SHISA9: variants seen among roughly 807,000 people sequenced by gnomAD.
SHISA9 encodes the protein shisa family member 9, also known as protein shisa-9.
Under a neutral mutation model 38.0 loss-of-function variants are expected in SHISA9, and 13 were observed. The observed-to-expected ratio is 0.34, with a 90% CI of 0.22 to 0.54. The LOEUF is 0.54. Among genes scored for constraint, SHISA9 ranks in the 20% least tolerant of loss-of-function variants. The probability of loss-of-function intolerance (pLI) is 0.91; values close to 1 mark genes in which losing one functional copy is unlikely to be tolerated. For missense variants in SHISA9, 538 were observed against 575.8 expected (o/e 0.93, Z 0.67); for synonymous variants, 275 against 242.0 (o/e 1.14, Z -1.27).
chr16:13,486,180 C>G, the SHISA9 span, among the ~76,000 whole-genome samples: 25 of 152,126 alleles, frequency 1.6e-4, no homozygotes, highest in Admixed American at 3.3e-4. Flanking sequence ...GGATCTAGAA[C>G]TCAGAAAGAG....
At chr16:13,456,135 A>G in the SHISA9 span, among the ~76,000 whole-genome samples, 2 of 152,242 alleles carry the variant, frequency 1.3e-5, no homozygotes, top group Non-Finnish European at 2.9e-5. Context: ...AATGGAATTG[A>G]AATCTGGCTA....
chr16:13,143,929 C>T (rs2050424497), intron 2 of SHISA9, among the ~76,000 whole-genome samples: 1 of 152,134 alleles, frequency 6.6e-6, no homozygotes, highest in African/African-American at 2.4e-5. Flanking sequence ...CTTATTTTAT[C>T]CCCCAGAAAT....
intron 2 of SHISA9, among the ~76,000 whole-genome samples, chr16:13,129,014 ACT>A (rs1195200299): frequency 6.6e-6 from 1 of 151,956 alleles, no homozygotes; most frequent in African/African-American, 2.4e-5. Flanking sequence ...CTTTCCAATG[ACT>A]CTATGTCATT....
At chr16:13,077,717 G>C (rs539840198) in intron 2 of SHISA9, among the ~76,000 whole-genome samples, 1 of 152,290 alleles carries the variant, frequency 6.6e-6, no homozygotes, top group East Asian at 1.9e-4. Flanking sequence ...AACTGGCTCA[G>C]ACCCTCATTC....
chr16:13,025,575 G>T (rs1410404960), intron 2 of SHISA9, among the ~76,000 whole-genome samples: 2 of 152,114 alleles, frequency 1.3e-5, no homozygotes, highest in Non-Finnish European at 2.9e-5. Flanking sequence ...AAAATCTCCA[G>T]AGGATCCTAA....
chr16:13,164,095 T>G (rs1287341963), intron 2 of SHISA9, among the ~76,000 whole-genome samples: 1 of 152,106 alleles, frequency 6.6e-6, no homozygotes, highest in African/African-American at 2.4e-5. Context: ...TCTCCCACTA[T>G]TAAGTATGGT....
intron 2 of SHISA9, among the ~76,000 whole-genome samples, chr16:12,941,145 A>G (rs2071605379): frequency 1.3e-5 from 2 of 152,054 alleles, no homozygotes; most frequent in African/African-American, 4.8e-5. Context: ...TGAGGTCAGG[A>G]GTTAGAGACC....
chr16:13,361,420 C>T, the SHISA9 span, among the ~76,000 whole-genome samples: 1 of 152,218 alleles, frequency 6.6e-6, no homozygotes, highest in East Asian at 1.9e-4. Context: ...ATTTTGTCCA[C>T]TTCTTTCTCT....
At chr16:13,500,549 G>A in the SHISA9 span, among the ~76,000 whole-genome samples, 2 of 151,212 alleles carry the variant, frequency 1.3e-5, no homozygotes, top group Admixed American at 1.3e-4. Flanking sequence ...TCCAGGCACA[G>A]CAATGGAAGT....
chr16:13,053,059 G>A (rs2073270868), intron 2 of SHISA9, among the ~76,000 whole-genome samples: 1 of 149,752 alleles, frequency 6.7e-6, no homozygotes, highest in South Asian at 2.1e-4. Context: ...CGCCTGCCAG[G>A]TTCAAGCAAT....
chr16:13,478,412 G>C, the SHISA9 span, among the ~76,000 whole-genome samples: 1 of 152,174 alleles, frequency 6.6e-6, no homozygotes, highest in Admixed American at 6.5e-5. Flanking sequence ...GGCTTTCCCT[G>C]TTGTTTAGGT....
At chr16:13,178,292 G>C (rs2050748633) in intron 2 of SHISA9, among the ~76,000 whole-genome samples, 1 of 151,794 alleles carries the variant, frequency 6.6e-6, no homozygotes, top group Admixed American at 6.6e-5. Flanking sequence ...CATATTTGTA[G>C]GGTGACCATG....
chr16:13,075,447 A>C (rs1335441471), intron 2 of SHISA9, among the ~76,000 whole-genome samples: 1 of 151,996 alleles, frequency 6.6e-6, no homozygotes, highest in Non-Finnish European at 1.5e-5. Context: ...GGGTCTTTTG[A>C]ATCCAAGTTG....
At chr16:13,481,486 G>A in the SHISA9 span, among the ~76,000 whole-genome samples, 2 of 152,102 alleles carry the variant, frequency 1.3e-5, no homozygotes, top group South Asian at 2.1e-4. Context: ...CCTCAACCAT[G>A]CTGTAGAGGT....
the SHISA9 span, among the ~76,000 whole-genome samples, chr16:13,296,891 CAAAAAAAAAAAAAA>C: frequency 3.8e-4 from 10 of 26,604 alleles, no homozygotes; most frequent in South Asian, 6.6e-3. Flanking sequence ...AACTCCATCT[CAAAAAAAAAAAAAA>C]AAAAAAAAAA....
chr16:13,480,115 C>T, the SHISA9 span, among the ~76,000 whole-genome samples: 1,036 of 152,218 alleles, frequency 6.8e-3, 13 homozygotes, highest in African/African-American at 0.023. Context: ...ACTCCTGCAC[C>T]CATGTTTTGC....
At chr16:13,549,112 C>A in the SHISA9 span, among the ~76,000 whole-genome samples, 1 of 152,172 alleles carries the variant, frequency 6.6e-6, no homozygotes, top group Non-Finnish European at 1.5e-5. Context: ...ATAAGCCAGG[C>A]ACAGAAAGAC....
At chr16:13,255,519 C>A in the SHISA9 span, among the ~76,000 whole-genome samples, 1 of 152,144 alleles carries the variant, frequency 6.6e-6, no homozygotes, top group Non-Finnish European at 1.5e-5. Flanking sequence ...CTTCTGTTGT[C>A]TAAAAAAAGT....
chr16:13,509,828 G>A, the SHISA9 span, among the ~76,000 whole-genome samples: 639 of 152,198 alleles, frequency 4.2e-3, 3 homozygotes, highest in South Asian at 0.02. Flanking sequence ...TGATACTGTT[G>A]TGAGCCAAGC....
Sources: gnomAD v4.1 joint callset for allele counts (sites outside exome capture counted in the v4.1 genomes callset) on GRCh38, gnomAD v4.1.1 for gene constraint, MANE v1.5 for transcripts, NCBI Gene and HGNC (gene_info 2026-07-23, HGNC 2026-07-21) for gene names.